The following ERC1 variants were observed in gnomAD, a reference collection of about 807,000 sequenced individuals.
ERC1 encodes ELKS/RAB6-interacting/CAST family member 1, also known as RAB6 interacting protein 2.
ERC1 carries 56 observed loss-of-function variants against 132.0 expected under a neutral mutation model. That is an observed-to-expected ratio of 0.42 (90% CI 0.34 to 0.53). ERC1 has a LOEUF of 0.53. Ranked by LOEUF, ERC1 falls within the 20% of genes least tolerant of loss-of-function variation. The pLI is 0.03. For missense variants in ERC1, 1,202 were observed against 1,349.9 expected (o/e 0.89, Z 1.72); for synonymous variants, 478 against 476.1 (o/e 1.00, Z -0.05).
At chr12:1,260,605 A>G (rs1197303851) in intron 13 of ERC1, among the ~76,000 whole-genome samples, 1 of 152,148 alleles carries the variant, frequency 6.6e-6, no homozygotes, top group Non-Finnish European at 1.5e-5. Flanking sequence ...CACAAGAGAA[A>G]CTTCTTGGTT....
chr12:1,115,940 C>T lies in ERC1; in HGVS notation c.1476C>T (p.Leu492=). The T allele has an allele frequency of 6.2e-7, 1 of 1,614,128 alleles. No homozygotes were observed. Among genetic ancestry groups the T allele is most frequent in the Non-Finnish European group, 8.5e-7 (1 of 1,179,984 alleles). ...LLALQTKLET[L]TNQFSDSKQH... ...CCCTGCAGACAAAGCTAGAAACACT[C>T]ACAAACCAGTTCTCAGATAGTAAAC... is the stretch of plus-strand genomic sequence containing the variant. The change falls in exon 7 of 19, where the codon CTC becomes CTT. Residue 492 remains leucine, a synonymous_variant. Coordinates refer to ENST00000360905, the MANE Select transcript of ERC1 (RefSeq NM_178040.4).
intron 1 of ERC1, chr12:998,255 G>A (rs139663940): frequency 1.2e-4 from 19 of 152,352 alleles, no homozygotes; most frequent in African/African-American, 4.3e-4. Context: ...CCTCTTAGCA[G>A]CTGTGCTAGT....
intron 8 of ERC1, among the ~76,000 whole-genome samples, chr12:1,164,231 T>TTTTTA (rs201747298): frequency 0.24 from 32,920 of 136,028 alleles, 4,336 homozygotes; most frequent in South Asian, 0.34. Context: ...GAACCTGCCC[T>TTTTTA]TTTTATTTTA....
chr12:1,248,215 A>G (rs1468699648), intron 13 of ERC1, among the ~76,000 whole-genome samples: 2 of 152,146 alleles, frequency 1.3e-5, no homozygotes, highest in African/African-American at 4.8e-5. Flanking sequence ...TTCAATATAA[A>G]TTTATCGAAT....
chr12:1,131,003 T>C (rs745690079), intron 7 of ERC1, among the ~76,000 whole-genome samples: 14 of 152,338 alleles, frequency 9.2e-5, no homozygotes, highest in South Asian at 2.1e-4. Context: ...TATGAAGTAC[T>C]GTGGAATACA....
At chr12:1,021,569 C>G (rs1419727075) in intron 1 of ERC1, among the ~76,000 whole-genome samples, 1 of 151,784 alleles carries the variant, frequency 6.6e-6, no homozygotes, top group East Asian at 1.9e-4. Context: ...CGTGGTGGCA[C>G]GCACCTGTAG....
intron 16 of ERC1, among the ~76,000 whole-genome samples, chr12:1,385,574 C>A (rs1409407900): frequency 6.6e-6 from 1 of 152,168 alleles, no homozygotes; most frequent in East Asian, 1.9e-4. Flanking sequence ...CGTGAGCCAC[C>A]GCGCCCGGCC....
chr12:1,183,166 A>G (rs992303306), intron 10 of ERC1, 115 bp from the exon 11 acceptor site: 3 of 540,346 alleles, frequency 5.6e-6, no homozygotes, highest in Non-Finnish European at 9.4e-6. Context: ...TTGTAATGGG[A>G]GTATGTCAGC....
intron 8 of ERC1, among the ~76,000 whole-genome samples, chr12:1,176,146 G>A (rs2154268185): frequency 6.6e-6 from 1 of 152,324 alleles, no homozygotes; most frequent in African/African-American, 2.4e-5. Flanking sequence ...CTTACAAGAT[G>A]TATTTCTTAA....
chr12:1,112,362 A>G (rs772483367), intron 6 of ERC1, 64 bp downstream of exon 6: 386 of 1,206,324 alleles, frequency 3.2e-4, no homozygotes, highest in Non-Finnish European at 4.5e-4. Context: ...TGCTAGCTCT[A>G]TGGCTTCTGG....
At chr12:1,164,332 TTTATG>T (rs1566121165) in intron 8 of ERC1, among the ~76,000 whole-genome samples, 16 of 144,030 alleles carry the variant, frequency 1.1e-4, no homozygotes, top group African/African-American at 1.7e-4. Flanking sequence ...GTTATTTTAT[TTTATG>T]TTATTTTATG....
At chr12:1,099,544 A>T (rs540271518) in intron 3 of ERC1, among the ~76,000 whole-genome samples, 2 of 152,318 alleles carry the variant, frequency 1.3e-5, no homozygotes, top group African/African-American at 2.4e-5. Context: ...AGTATTGTGG[A>T]TATTTTCTTT....
chr12:1,381,127 C>G (rs1004109458), intron 16 of ERC1: 1 of 152,228 alleles, frequency 6.6e-6, no homozygotes, highest in Admixed American at 6.5e-5. Flanking sequence ...AGGGCCCCTT[C>G]ACCTTGCCCT....
intron 17 of ERC1, among the ~76,000 whole-genome samples, chr12:1,422,268 G>T (rs2092456789): frequency 6.6e-6 from 1 of 152,196 alleles, no homozygotes; most frequent in Non-Finnish European, 1.5e-5. Context: ...GAAGCAAGAT[G>T]GAGTCAGGTT....
chr12:1,028,869 A>G (rs1038229594), intron 2 of ERC1, among the ~76,000 whole-genome samples: 2 of 137,434 alleles, frequency 1.5e-5, no homozygotes, highest in Admixed American at 7.2e-5. Flanking sequence ...TTTTTTTCCA[A>G]TTCTTCTGAG....
rs1226501606 is a variant in ERC1 at position 1,373,655 on chromosome 12, C to T, written c.2925+1678C>T. 2.0e-5 allele frequency among the ~76,000 whole-genome samples: 3 copies of T among 152,162 alleles called. No individual in the cohort carries two copies. The East Asian group carries it at 5.8e-4, about 29-fold the overall frequency. On this transcript the variant is annotated intron_variant, in intron 16 of 18. Coordinates refer to ENST00000360905, the MANE Select transcript of ERC1 (RefSeq NM_178040.4). ...ATTAGCTGGATGTGGTGGTGCACCTCTGTAGTCCCAGATACTTGGGAGGCT... is the reference window on the plus strand; with the variant it reads ...ATTAGCTGGATGTGGTGGTGCACCTTTGTAGTCCCAGATACTTGGGAGGCT...
At chr12:1,317,713 G>A (rs1384023962) in intron 15 of ERC1, among the ~76,000 whole-genome samples, 3 of 152,140 alleles carry the variant, frequency 2.0e-5, no homozygotes, top group African/African-American at 7.2e-5. Flanking sequence ...AGCTGAAAAG[G>A]ATGTGAAAAA....
intron 15 of ERC1, among the ~76,000 whole-genome samples, chr12:1,349,924 C>T (rs1337297884): frequency 6.6e-6 from 1 of 152,146 alleles, no homozygotes; most frequent in East Asian, 1.9e-4. Context: ...TGACTGCAGC[C>T]TAGGTCTCTA....
chr12:1,479,186 G>A (rs570620008), intron 18 of ERC1, among the ~76,000 whole-genome samples: 3 of 152,138 alleles, frequency 2.0e-5, no homozygotes, highest in Admixed American at 6.5e-5. Flanking sequence ...CATTGCTGCC[G>A]CCTTGCAGTG....
Sources: allele counts gnomAD v4.1 joint callset (sites outside exome capture counted in the v4.1 genomes callset), GRCh38; gene constraint gnomAD v4.1.1; transcripts MANE v1.5; gene names NCBI Gene and HGNC (gene_info 2026-07-23, HGNC 2026-07-21).